IVD: variants seen among roughly 807,000 people sequenced by gnomAD.
IVD encodes isovaleryl-CoA dehydrogenase, mitochondrial.
A neutral mutation model predicts 51.3 loss-of-function variants in IVD; 31 were observed. The observed-to-expected ratio is 0.60, with a 90% CI of 0.45 to 0.81. The LOEUF (loss-of-function observed/expected upper bound fraction) is 0.81, where lower values mean the gene tolerates loss of function less well. IVD is among the 40% of genes least tolerant of loss of function. The pLI, the probability that IVD is intolerant of heterozygous loss-of-function variation, is 0.00. For synonymous variants in IVD, 205 were observed against 219.4 expected (o/e 0.93, Z 0.58); for missense variants, 475 against 552.0 (o/e 0.86, Z 1.40).
At chr15:40,406,403 T>C in intron 1 of IVD, 1 of 1,210,640 alleles carries the variant, frequency 8.3e-7, no homozygotes, top group Non-Finnish European at 1.1e-6. Context: ...GTCTTTTTTG[T>C]ATAAACAGTT....
downstream of IVD, among the ~76,000 whole-genome samples, chr15:40,422,585 CTTTTTTTTTTTTTT>C (rs1157351420): frequency 1.2e-4 from 8 of 69,154 alleles, 1 homozygote; most frequent in African/African-American, 3.3e-4. Flanking sequence ...GCCCGGCCGA[CTTTTTTTTTTTTTT>C]TTTTTTTTTT....
In IVD at chr15:40,412,977, T is replaced by C. The variant is rs777272686; in HGVS notation, c.688-14T>C. 6.2e-7 allele frequency: 1 copy of C among 1,611,744 alleles called. No individual in the cohort carries two copies. The highest frequency in any genetic ancestry group is 1.1e-5 in the South Asian group (1 of 91,046). On this transcript the variant is annotated splice_polypyrimidine_tract_variant and intron_variant, in intron 6 of 11. Transcript: ENST00000487418. ...CTAATCTGTAACCAGGACCACCTTT[T>C]GTTTCCTGTAAAGGGTATGCCTGGC...
chr15:40,412,012 G>T (rs559557232), intron 6 of IVD, among the ~76,000 whole-genome samples: 2 of 152,354 alleles, frequency 1.3e-5, no homozygotes, highest in African/African-American at 4.8e-5. Context: ...GGCCATGGGA[G>T]ACTGAGGTGT....
intron 1 of IVD, among the ~76,000 whole-genome samples, chr15:40,407,013 A>G (rs1890512719): frequency 1.3e-5 from 2 of 151,668 alleles, no homozygotes; most frequent in African/African-American, 2.4e-5. Flanking sequence ...ACAGGCATGC[A>G]CCACCACGCC....
chr15:40,429,649 C>T (rs1892861908), intron 7 of IVD, among the ~76,000 whole-genome samples: 2 of 152,166 alleles, frequency 1.3e-5, no homozygotes, highest in African/African-American at 4.8e-5. Context: ...AACTTCTTCG[C>T]CCTCCACCAA....
At chr15:40,406,161 CCTCA>C in intron 1 of IVD, 190 bp downstream of exon 1, 1 of 1,538,894 alleles carries the variant, frequency 6.5e-7, no homozygotes. Context: ...CTGACCTCGG[CCTCA>C]CGTCTGTGGA....
At chr15:40,435,431 G>A (rs1893214291) in exon 9 of IVD, 14 of 1,221,484 alleles carry the variant, frequency 1.1e-5, no homozygotes, top group East Asian at 6.7e-5. Flanking sequence ...GACCTTTTCC[G>A]CCCAACACCC....
chr15:40,412,784 C>T (rs1389373119), intron 6 of IVD: 2 of 580,960 alleles, frequency 3.4e-6, no homozygotes, highest in Admixed American at 5.7e-5. Context: ...CTGGGGAGAA[C>T]ACAAGCTAGT....
In IVD at chr15:40,420,195, G is replaced by T; in HGVS notation, c.*1932G>T. ...AGCGTGCTTTTGTGTACTGTTGGAA[G>T]ACTGGCTCCTCCTGTACAGCACCTC... is the stretch of plus-strand genomic sequence containing the variant. On this transcript the variant is annotated 3_prime_UTR_variant, in exon 12 of 12. Coordinates refer to ENST00000487418, the MANE Select transcript of IVD (RefSeq NM_002225.5). The T allele has an allele frequency of 1.0e-6, 1 of 986,004 alleles. No homozygotes were observed. 61.1% of individuals were successfully genotyped at this position (986,004 alleles called of 1,614,324 possible).
At chr15:40,416,666 C>T (rs964513865) in intron 11 of IVD, among the ~76,000 whole-genome samples, 4 of 152,108 alleles carry the variant, frequency 2.6e-5, no homozygotes, top group African/African-American at 4.8e-5. Flanking sequence ...CATTGCACTC[C>T]AGCCTAGGTG....
At chr15:40,424,447 C>T (rs1237825278), downstream of IVD, 2 of 286,492 alleles carry the variant, frequency 7.0e-6, no homozygotes, top group East Asian at 2.7e-4. Flanking sequence ...GGCCTGCCTC[C>T]TTCAGGAAGA....
At chr15:40,422,055 A>T (rs1029586604), downstream of IVD, among the ~76,000 whole-genome samples, 2 of 152,224 alleles carry the variant, frequency 1.3e-5, no homozygotes, top group Non-Finnish European at 2.9e-5. Context: ...CGAGCGCAGC[A>T]CTGGCTTGCC....
downstream of IVD, among the ~76,000 whole-genome samples, chr15:40,426,940 C>T (rs1422821272): frequency 2.0e-5 from 3 of 152,210 alleles, no homozygotes; most frequent in African/African-American, 7.2e-5. Flanking sequence ...AATGATTTAG[C>T]ACAGACCAGC....
At chr15:40,429,093 G>C (rs1234065240), downstream of IVD, among the ~76,000 whole-genome samples, 1 of 152,062 alleles carries the variant, frequency 6.6e-6, no homozygotes, top group African/African-American at 2.4e-5. Context: ...CACTCACCAG[G>C]AACAGCCATA....
In IVD at chr15:40,418,751, A is replaced by C; in HGVS notation, c.*488A>C. On this transcript the variant is annotated 3_prime_UTR_variant, in exon 12 of 12. Coordinates refer to ENST00000487418, the MANE Select transcript of IVD (RefSeq NM_002225.5). ...AACTTGGTACAGGTTAAGTATCCCT[A>C]ATCCTGAAATCTGAAACACTTGTGG... 1 of 1,097,690 alleles carries C rather than the reference A, an allele frequency of 9.1e-7. No individual in the cohort carries two copies. The highest frequency in any genetic ancestry group is 1.6e-5 in the African/African-American group (1 of 60,740). The allele number at this position is 1,097,690 out of a possible 1,614,324, so 68.0% of individuals were successfully genotyped here.
chr15:40,410,264 G>A (rs1161640812), intron 3 of IVD, among the ~76,000 whole-genome samples: 1 of 152,170 alleles, frequency 6.6e-6, no homozygotes, highest in East Asian at 1.9e-4. Flanking sequence ...CCACCCCAAT[G>A]CCTTTGTTTT....
rs1008420739 is a variant in IVD, at chr15:40,418,020, C to T, written c.1139-110C>T. The T allele has an allele frequency of 8.0e-6, 12 of 1,502,134 alleles. No individual in the cohort carries two copies. In the African/African-American group the frequency reaches 1.5e-4, roughly 19 times the overall value. 93.1% of individuals were successfully genotyped at this position (1,502,134 alleles called of 1,614,324 possible). A position where few individuals can be genotyped will look rare whatever the true frequency, so the allele number is the denominator to read the frequency against. ...CCTCTTGCTACCTTTTGCTGCTTTT[C>T]TTTAATCACCCTCTCCTCCTGTGGC... On this transcript the variant is annotated intron_variant, in intron 11 of 11. Coordinates refer to ENST00000487418, the MANE Select transcript of IVD (RefSeq NM_002225.5).
chr15:40,414,968 C>T lies in IVD; in HGVS notation c.864C>T (p.Ala288=), dbSNP rs1566939786. 17 of 1,613,764 alleles carry T rather than the reference C, an allele frequency of 1.1e-5. No individual in the cohort carries two copies. Among genetic ancestry groups the T allele is most frequent in the African/African-American group, 8.0e-5 (6 of 74,912 alleles). ...SGLDLERLVL[A]GGPLGLMQAV... ...TGGACCTGGAGCGGCTGGTGCTGGC[C>T]GGGGGGCCTCTTGGGTAAGTGTGAG... Residue 288 remains alanine (A), a synonymous_variant, in exon 8 of 12, where the codon GCC becomes GCT. Coordinates refer to ENST00000487418, the MANE Select transcript of IVD (RefSeq NM_002225.5).
intron 11 of IVD, 140 bp from the exon 12 acceptor site, chr15:40,417,990 C>A: frequency 4.6e-6 from 5 of 1,090,772 alleles, no homozygotes; most frequent in Admixed American, 4.1e-5. Flanking sequence ...TTCCCCACAC[C>A]CCTCCCTCTT....
Sources: allele counts gnomAD v4.1 joint callset (sites outside exome capture counted in the v4.1 genomes callset), GRCh38; gene constraint gnomAD v4.1.1; transcripts MANE v1.5; gene names NCBI Gene and HGNC (gene_info 2026-07-23, HGNC 2026-07-21).